Variants in OSBPL1A observed in about 807,000 individuals in gnomAD.
OSBPL1A encodes oxysterol binding protein like 1A, also known as oxysterol-binding protein-related protein 1.
In OSBPL1A, 80 loss-of-function variants were observed where a neutral mutation model predicts 137.1. That is an observed-to-expected ratio of 0.58 (90% CI 0.49 to 0.70). The LOEUF (loss-of-function observed/expected upper bound fraction) is 0.70, where lower values mean the gene tolerates loss of function less well. OSBPL1A is among the 30% of genes least tolerant of loss of function. The probability of loss-of-function intolerance (pLI) is 0.00; values close to 1 mark genes in which losing one functional copy is unlikely to be tolerated. For missense variants in OSBPL1A, 970 were observed against 1,129.4 expected (o/e 0.86, Z 2.02); for synonymous variants, 365 against 389.7 (o/e 0.94, Z 0.75).
chr18:24,359,507 C>T (rs2091589583), intron 4 of OSBPL1A, among the ~76,000 whole-genome samples: 1 of 151,758 alleles, frequency 6.6e-6, no homozygotes, highest in African/African-American at 2.4e-5. Flanking sequence ...GCCTGGGCAA[C>T]ACGGTGAAAC....
At chr18:24,204,812 C>T (rs2087324879) in intron 17 of OSBPL1A, among the ~76,000 whole-genome samples, 1 of 152,108 alleles carries the variant, frequency 6.6e-6, no homozygotes, top group South Asian at 2.1e-4. Flanking sequence ...CTCTTACTCG[C>T]AATTCCAGGA....
chr18:24,368,315 T>A lies in OSBPL1A; in HGVS notation c.179A>T (p.His60Leu). The change falls in exon 3 of 28, where the codon CAC (histidine) becomes CTC (leucine). Residue 60 changes from histidine (H) to leucine (L), a missense_variant. By Grantham distance (99) the His-to-Leu change is moderately conservative. This residue lies in a region of OSBPL1A where 647 missense variants were observed against 672.6 expected (regional missense o/e 0.96). Coordinates refer to ENST00000319481, the MANE Select transcript of OSBPL1A (RefSeq NM_080597.4). Reference protein sequence around the residue: ...TPLHLACYFGHRQVVQDLLKA... With the variant: ...TPLHLACYFGLRQVVQDLLKA... ...CAACAGATCCTGGACCACTTGTCTG[T>A]GTCCAAAATAGCATGCCAGATGTAG... 1 of 1,613,538 alleles carries A rather than the reference T, an allele frequency of 6.2e-7. No homozygotes were observed. Among genetic ancestry groups the A allele is most frequent in the Non-Finnish European group, 8.5e-7 (1 of 1,179,506 alleles).
intron 17 of OSBPL1A, among the ~76,000 whole-genome samples, chr18:24,197,786 C>CTTTTTTTTTTTT (rs1043369707): frequency 8.1e-6 from 1 of 122,814 alleles, no homozygotes; most frequent in Non-Finnish European, 1.7e-5. Context: ...CTTTTCTTTT[C>CTTTTTTTTTTTT]TTTTTTTTTT....
At chr18:24,200,294 T>C (rs544235411) in intron 17 of OSBPL1A, among the ~76,000 whole-genome samples, 29 of 152,212 alleles carry the variant, frequency 1.9e-4, no homozygotes, top group African/African-American at 2.4e-5. Flanking sequence ...CCGGGCGCCA[T>C]GGCTCACGCC....
At chr18:24,227,041 G>A (rs1162467826) in intron 16 of OSBPL1A, among the ~76,000 whole-genome samples, 2 of 151,808 alleles carry the variant, frequency 1.3e-5, no homozygotes, top group Admixed American at 1.3e-4. Context: ...ACAGGCATGC[G>A]CCACCATGCT....
intron 17 of OSBPL1A, among the ~76,000 whole-genome samples, chr18:24,214,044 C>T (rs2087623213): frequency 6.6e-6 from 1 of 152,206 alleles, no homozygotes; most frequent in Non-Finnish European, 1.5e-5. Flanking sequence ...TATAGGCCTG[C>T]TTCACAGAGT....
At chr18:24,370,857 T>C (rs1245400413) in intron 2 of OSBPL1A, among the ~76,000 whole-genome samples, 1 of 152,102 alleles carries the variant, frequency 6.6e-6, no homozygotes, top group Non-Finnish European at 1.5e-5. Flanking sequence ...TTTGTAGGGA[T>C]GGGGTTTTGC....
At chr18:24,366,451 C>T (rs1305360207) in intron 4 of OSBPL1A, 1 of 152,710 alleles carries the variant, frequency 6.5e-6, no homozygotes, top group African/African-American at 2.4e-5. Flanking sequence ...CTTGGTCTTT[C>T]TGGTGACCAG....
intron 13 of OSBPL1A, among the ~76,000 whole-genome samples, chr18:24,308,541 C>CA: frequency 6.6e-6 from 1 of 150,614 alleles, no homozygotes; most frequent in Middle Eastern, 3.4e-3. Flanking sequence ...TCTTGTAACA[C>CA]AAAAACAGTT....
intron 15 of OSBPL1A, among the ~76,000 whole-genome samples, chr18:24,239,925 C>CTTTTTTT (rs10699940): frequency 2.4e-5 from 3 of 125,624 alleles, no homozygotes; most frequent in Non-Finnish European, 3.2e-5. Flanking sequence ...TCATTTTTCT[C>CTTTTTTT]TTTTTTTTTT....
intron 17 of OSBPL1A, among the ~76,000 whole-genome samples, chr18:24,206,790 G>T (rs1324052530): frequency 6.6e-6 from 1 of 152,068 alleles, no homozygotes; most frequent in African/African-American, 2.4e-5. Context: ...AATGAAATTG[G>T]CTAGTTCCGT....
intron 14 of OSBPL1A, among the ~76,000 whole-genome samples, chr18:24,287,502 G>A (rs1204303217): frequency 1.3e-5 from 2 of 152,156 alleles, no homozygotes; most frequent in African/African-American, 4.8e-5. Context: ...GCCAGGCATG[G>A]TGGCTCACAC....
intron 15 of OSBPL1A, among the ~76,000 whole-genome samples, chr18:24,276,558 C>T (rs2089849761): frequency 1.3e-5 from 2 of 152,092 alleles, no homozygotes; most frequent in African/African-American, 4.8e-5. Flanking sequence ...TCCTGCCTCA[C>T]TCAGCCTCTC....
At chr18:24,164,935 TG>T in intron 27 of OSBPL1A, 129 bp downstream of exon 27, 1 of 872,146 alleles carries the variant, frequency 1.1e-6, no homozygotes, top group Non-Finnish European at 1.8e-6. Context: ...TTTTCAGGCC[TG>T]GGACAACTCG....
At chr18:24,178,631 A>G (rs1599442791) in intron 20 of OSBPL1A, among the ~76,000 whole-genome samples, 1 of 152,320 alleles carries the variant, frequency 6.6e-6, no homozygotes, top group East Asian at 1.9e-4. Context: ...AACTTCATAT[A>G]TGAGAAATTA....
chr18:24,204,558 CTTT>C (rs34877962), intron 17 of OSBPL1A, among the ~76,000 whole-genome samples: 7 of 143,240 alleles, frequency 4.9e-5, no homozygotes, highest in Non-Finnish European at 6.1e-5. Flanking sequence ...AAAGCTGTTT[CTTT>C]TTTTTTTTTT....
chr18:24,164,420 G>GGTTTTTTTTTTTTTTTTTTTT lies in OSBPL1A; in HGVS notation c.2750+644_2750+645insAAAAAAAAAAAAAAAAAAAAC, dbSNP rs199563115. ...ATGGAAAACAGTATGGAGATTTTTG[G>GGTTTTTTTTTTTTTTTTTTTT]TTTTTTTTTTTTTTTTTTTTTTTTT... On this transcript the variant is annotated intron_variant, in intron 27 of 27. Transcript: ENST00000319481. Among the ~76,000 whole-genome samples, 10 of 95,970 alleles carry GGTTTTTTTTTTTTTTTTTTTT rather than the reference G, an allele frequency of 1.0e-4. 4 individuals are homozygous for GGTTTTTTTTTTTTTTTTTTTT. Among genetic ancestry groups the GGTTTTTTTTTTTTTTTTTTTT allele is most frequent in the Non-Finnish European group, 1.3e-4 (7 of 52,490 alleles). The allele number at this position is 95,970 out of a possible 152,430, so 63.0% of individuals were successfully genotyped here.
intron 4 of OSBPL1A, chr18:24,357,222 G>C (rs1393534155): frequency 1.3e-5 from 2 of 152,184 alleles, no homozygotes; most frequent in African/African-American, 4.8e-5. Context: ...AAATTTAAAG[G>C]GGAAAGGGCA....
intron 25 of OSBPL1A, 60 bp from the exon 26 acceptor site, chr18:24,166,762 T>C: frequency 6.5e-7 from 1 of 1,532,062 alleles, no homozygotes; most frequent in South Asian, 1.2e-5. Flanking sequence ...AAATGAAACA[T>C]CCTGAAAGTA....
Sources: allele counts gnomAD v4.1 joint callset (sites outside exome capture counted in the v4.1 genomes callset), GRCh38; gene constraint gnomAD v4.1.1; regional missense constraint gnomAD v4.1.1; transcripts MANE v1.5; gene names NCBI Gene and HGNC (gene_info 2026-07-23, HGNC 2026-07-21).